Variants in DNAH5 observed in about 807,000 individuals in gnomAD.
The protein encoded by DNAH5 is axonemal beta dynein heavy chain 5.
A neutral mutation model predicts 518.2 loss-of-function variants in DNAH5; 372 were observed. That is an observed-to-expected ratio of 0.72 (90% CI 0.66 to 0.78). The LOEUF (loss-of-function observed/expected upper bound fraction) is 0.78. Among genes scored for constraint, DNAH5 ranks in the 30% least tolerant of loss-of-function variants. The pLI, the probability that DNAH5 is intolerant of heterozygous loss-of-function variation, is 0.00. For synonymous variants in DNAH5, 2,039 were observed against 2,025.9 expected (o/e 1.01, Z -0.17); for missense variants, 5,523 against 5,687.0 (o/e 0.97, Z 0.93).
Position 13,830,592 on chromosome 5 carries a change from C to T in DNAH5, c.6061+5G>A. Reference sequence around the variant, plus strand: ...TCTCACCAGATTAAAAAATATAACCCATACCCTTAAAAATCCGTCCAAGTC... The same window carrying T: ...TCTCACCAGATTAAAAAATATAACCTATACCCTTAAAAATCCGTCCAAGTC... On this transcript the variant is annotated splice_donor_5th_base_variant and intron_variant, in intron 36 of 78. Transcript: ENST00000265104. 1 of 1,614,134 alleles carries T rather than the reference C, an allele frequency of 6.2e-7. No individual in the cohort carries two copies. Among genetic ancestry groups the T allele is most frequent in the Non-Finnish European group, 8.5e-7 (1 of 1,179,980 alleles).
intron 76 of DNAH5, among the ~76,000 whole-genome samples, chr5:13,702,938 C>T (rs1742309474): frequency 6.6e-6 from 1 of 151,904 alleles, no homozygotes; most frequent in South Asian, 2.1e-4. Context: ...CACCCACCAA[C>T]CTCACGTCTG....
At chr5:13,723,575 G>A (rs747894000) in intron 70 of DNAH5, among the ~76,000 whole-genome samples, 2 of 152,174 alleles carry the variant, frequency 1.3e-5, no homozygotes, top group Non-Finnish European at 2.9e-5. Flanking sequence ...TTAGACTTTG[G>A]TGGCCAAATC....
At position 13,718,698 on chromosome 5, in the gene DNAH5, C is replaced by T. The variant is rs76029211; in HGVS notation, c.12499+184G>A. Among the ~76,000 whole-genome samples the T allele has an allele frequency of 8.7e-3, 1,323 of 152,302 alleles. 12 individuals are homozygous for T. Among genetic ancestry groups the T allele is most frequent in the African/African-American group, 0.03 (1,254 of 41,574 alleles). On this transcript the variant is annotated intron_variant, in intron 72 of 78. Transcript: ENST00000265104. ...AAATAGGAAACTAGAAGGTGGGAAT[C>T]ATGAGCTCTGATTCTTTCACACTGC...
At chr5:13,845,958 G>A (rs1325166014) in intron 31 of DNAH5, among the ~76,000 whole-genome samples, 3 of 148,694 alleles carry the variant, frequency 2.0e-5, no homozygotes, top group Non-Finnish European at 4.4e-5. Context: ...AGCCTCCGAA[G>A]TGGCTGGAAC....
intron 12 of DNAH5, among the ~76,000 whole-genome samples, chr5:13,905,655 C>T (rs935624595): frequency 2.0e-5 from 3 of 152,100 alleles, no homozygotes; most frequent in African/African-American, 7.2e-5. Flanking sequence ...AAGAACTCTA[C>T]TCTAATTCAT....
chr5:13,853,007 G>C (rs1021442571), intron 30 of DNAH5, among the ~76,000 whole-genome samples: 1 of 152,200 alleles, frequency 6.6e-6, no homozygotes, highest in Admixed American at 6.5e-5. Context: ...CCCAGCACAG[G>C]GCTCGAGCTC....
At chr5:13,777,163 T>C in intron 54 of DNAH5, 39 bp downstream of exon 54, 1 of 1,596,266 alleles carries the variant, frequency 6.3e-7, no homozygotes, top group Non-Finnish European at 8.6e-7. Context: ...GGAGGAAATC[T>C]GAAGGGATAA....
rs189478340 is a variant in DNAH5, at chr5:13,833,572, A to G, written c.5883-2797T>C. On this transcript the variant is annotated intron_variant, in intron 35 of 78. Coordinates refer to ENST00000265104, the MANE Select transcript of DNAH5 (RefSeq NM_001369.3). ...ACTTACGTTGCCTCTAGTCCACACA[A>G]TGATTCCCAAACAAGGGAATGAGGG... Among the ~76,000 whole-genome samples, 7 of 152,332 alleles carry G rather than the reference A, an allele frequency of 4.6e-5. No homozygotes were observed. In the East Asian group the frequency reaches 1.3e-3, roughly 29 times the overall value.
intron 49 of DNAH5, 72 bp downstream of exon 49, chr5:13,793,443 G>A (rs1757319376): frequency 7.6e-7 from 1 of 1,320,418 alleles, no homozygotes; most frequent in African/African-American, 1.4e-5. Context: ...GGTCTTGGGT[G>A]AAGATTTTCA....
chr5:13,985,443 A>C (rs1291869593), intron 1 of DNAH5, among the ~76,000 whole-genome samples: 1 of 49,384 alleles, frequency 2.0e-5, no homozygotes, highest in Non-Finnish European at 3.9e-5. Context: ...ATATATATAT[A>C]TATATATATA....
intron 3 of DNAH5, among the ~76,000 whole-genome samples, chr5:13,923,842 G>A (rs1274700558): frequency 2.0e-5 from 3 of 152,156 alleles, no homozygotes; most frequent in Non-Finnish European, 4.4e-5. Flanking sequence ...TCAGGAGTTC[G>A]AGACCAGCCT....
intron 1 of DNAH5, among the ~76,000 whole-genome samples, chr5:13,976,043 T>A (rs1230616529): frequency 2.0e-5 from 3 of 152,108 alleles, no homozygotes; most frequent in Admixed American, 1.3e-4. Flanking sequence ...AAAATTTTTT[T>A]AAAAAAGAAC....
chr5:13,977,607 C>G (rs917814006), intron 1 of DNAH5, among the ~76,000 whole-genome samples: 8 of 152,104 alleles, frequency 5.3e-5, no homozygotes, highest in East Asian at 3.9e-4. Context: ...AATCCTCCCC[C>G]TTTCTTGCCT....
chr5:13,953,124 T>C (rs1450083772), intron 1 of DNAH5, among the ~76,000 whole-genome samples: 1 of 152,234 alleles, frequency 6.6e-6, no homozygotes, highest in Non-Finnish European at 1.5e-5. Flanking sequence ...GTTCATCTTA[T>C]TGCTAAGAAG....
At position 13,808,442 on chromosome 5, in the gene DNAH5, C is replaced by T. The variant is rs561074156; in HGVS notation, c.7752+602G>A. Among the ~76,000 whole-genome samples, 100 of 152,222 alleles carry T rather than the reference C, an allele frequency of 6.6e-4. No homozygotes were observed. The South Asian group carries it at 0.02, about 30-fold the overall frequency. On this transcript the variant is annotated intron_variant, in intron 46 of 78. Transcript: ENST00000265104. ...CCTAGGCTGCGGTATTTGGTTACAGCAGCCCTAGCAAACTAGCTCAGCGAT... is the reference window on the plus strand; with the variant it reads ...CCTAGGCTGCGGTATTTGGTTACAGTAGCCCTAGCAAACTAGCTCAGCGAT...
chr5:13,916,193 C>A lies in DNAH5; in HGVS notation c.1197+155G>T, dbSNP rs11750882. Among the ~76,000 whole-genome samples the A allele has an allele frequency of 0.44, 66,438 of 151,520 alleles. 15,404 individuals are homozygous for A. Among genetic ancestry groups the A allele is most frequent in the East Asian group, 0.85 (4,403 of 5,166 alleles). On this transcript the variant is annotated intron_variant, in intron 9 of 78. Coordinates refer to ENST00000265104, the MANE Select transcript of DNAH5 (RefSeq NM_001369.3). ...ATTTGCTAGAATCAGCCTCTGACAT[C>A]AATTTAATTCTATCTCTATTGATAG... is the stretch of plus-strand genomic sequence containing the variant.
chr5:13,716,148 C>T (rs1159467207), intron 74 of DNAH5, among the ~76,000 whole-genome samples: 4 of 152,138 alleles, frequency 2.6e-5, no homozygotes, highest in African/African-American at 9.7e-5. Flanking sequence ...CTGTGGCAGC[C>T]GAAGTTTCAC....
intron 35 of DNAH5, among the ~76,000 whole-genome samples, chr5:13,837,354 C>G (rs747136452): frequency 7.9e-5 from 12 of 152,014 alleles, no homozygotes; most frequent in Non-Finnish European, 1.0e-4. Context: ...CGGTAGGGTT[C>G]GCTGGGTAGA....
At chr5:13,823,460 G>A (rs974536733) in intron 39 of DNAH5, 90 bp from the exon 40 acceptor site, 5 of 836,474 alleles carry the variant, frequency 6.0e-6, no homozygotes, top group Middle Eastern at 2.9e-4. Context: ...CACAGTCCGG[G>A]TTATTGCAAT....
Sources: gnomAD v4.1 joint callset for allele counts (sites outside exome capture counted in the v4.1 genomes callset) on GRCh38, gnomAD v4.1.1 for gene constraint, MANE v1.5 for transcripts, NCBI Gene and HGNC (gene_info 2026-07-23, HGNC 2026-07-21) for gene names.